Variants in ACLY observed in about 807,000 individuals in gnomAD.
ACLY encodes the protein ATP-citrate synthase.
In ACLY, 41 loss-of-function variants were observed where a neutral mutation model predicts 133.0. The observed-to-expected ratio is 0.31, with a 90% CI of 0.24 to 0.40. The LOEUF is 0.40. Ranked by LOEUF, ACLY falls within the 10% of genes least tolerant of loss-of-function variation. The pLI is 1.00. For synonymous variants in ACLY, 495 were observed against 549.3 expected (o/e 0.90, Z 1.38); for missense variants, 1,046 against 1,453.8 (o/e 0.72, Z 4.56).
intron 1 of ACLY, among the ~76,000 whole-genome samples, chr17:41,916,762 G>A (rs1003521028): frequency 6.6e-6 from 1 of 152,102 alleles, no homozygotes; most frequent in African/African-American, 2.4e-5. Flanking sequence ...AAAAACCCCA[G>A]AAAAAGGTAC....
At chr17:41,867,950 T>C in intron 28 of ACLY, 46 bp from the exon 29 acceptor site, 1 of 1,395,158 alleles carries the variant, frequency 7.2e-7, no homozygotes, top group Non-Finnish European at 1.0e-6. Flanking sequence ...TTCATAAGCC[T>C]GGTGAGAGGA....
chr17:41,918,026 AG>A (rs1555634784), intron 1 of ACLY, among the ~76,000 whole-genome samples: 2 of 152,214 alleles, frequency 1.3e-5, no homozygotes, highest in African/African-American at 2.4e-5. Flanking sequence ...GAAGACCTCC[AG>A]GGACCCCATA....
chr17:41,878,753 T>G lies in ACLY; in HGVS notation c.2393+44A>C. The G allele has an allele frequency of 2.5e-6, 4 of 1,609,914 alleles. No individual in the cohort carries two copies. In the South Asian group the frequency reaches 4.4e-5, roughly 18 times the overall value. On this transcript the variant is annotated intron_variant, in intron 21 of 28. Coordinates refer to ENST00000352035, the MANE Select transcript of ACLY (RefSeq NM_001096.3). ...AGAGGCTGCTGTCTCAGGAGGGATT[T>G]GGAAAGGAGGGGGAGGCCGGCATCC...
At chr17:41,908,742 C>T (rs1387099104) in intron 6 of ACLY, among the ~76,000 whole-genome samples, 1 of 152,100 alleles carries the variant, frequency 6.6e-6, no homozygotes, top group East Asian at 1.9e-4. Context: ...CCAGCCTGGG[C>T]GACAGGGCAA....
At chr17:41,917,310 T>C (rs2050076676) in intron 1 of ACLY, among the ~76,000 whole-genome samples, 1 of 152,072 alleles carries the variant, frequency 6.6e-6, no homozygotes, top group Non-Finnish European at 1.5e-5. Context: ...CCAGGAACTG[T>C]TACTTGGTAA....
At chr17:41,876,725 AAG>A (rs1192868011) in intron 22 of ACLY, among the ~76,000 whole-genome samples, 2 of 152,116 alleles carry the variant, frequency 1.3e-5, no homozygotes, top group African/African-American at 4.8e-5. Flanking sequence ...CATGCTGGTT[AAG>A]AGTCATCACC....
chr17:41,903,517 G>A (rs2144364188), intron 10 of ACLY, among the ~76,000 whole-genome samples: 1 of 152,196 alleles, frequency 6.6e-6, no homozygotes, highest in East Asian at 1.9e-4. Flanking sequence ...CTCTTTGGGA[G>A]GCCGAGGCGG....
chr17:41,878,061 A>T, intron 22 of ACLY, 42 bp downstream of exon 22: 4 of 1,387,208 alleles, frequency 2.9e-6, no homozygotes, highest in Non-Finnish European at 2.9e-6. Flanking sequence ...AGACCCACAG[A>T]TCTCCCTTGC....
chr17:41,894,552 C>A (rs763015838), intron 14 of ACLY, among the ~76,000 whole-genome samples: 8 of 150,150 alleles, frequency 5.3e-5, no homozygotes, highest in Non-Finnish European at 1.0e-4. Flanking sequence ...TGAGACCCCA[C>A]CTCAAAAAAA....
intron 1 of ACLY, among the ~76,000 whole-genome samples, chr17:41,915,677 G>C (rs768433458): frequency 2.6e-5 from 4 of 152,142 alleles, no homozygotes; most frequent in Non-Finnish European, 5.9e-5. Flanking sequence ...CTCAGTATGA[G>C]TTTCCAGAGA....
chr17:41,876,216 G>T (rs567803095), intron 22 of ACLY, among the ~76,000 whole-genome samples: 1 of 151,848 alleles, frequency 6.6e-6, no homozygotes, highest in Non-Finnish European at 1.5e-5. Flanking sequence ...GTCTTCGCCC[G>T]GCAGCCACCC....
chr17:41,889,009 T>C (rs1196971103), intron 16 of ACLY, among the ~76,000 whole-genome samples: 1 of 151,844 alleles, frequency 6.6e-6, no homozygotes, highest in Non-Finnish European at 1.5e-5. Context: ...TCCCAGCTAC[T>C]TGGGAGGCTG....
chr17:41,898,488 T>C (rs1318469761), intron 12 of ACLY, 143 bp downstream of exon 12: 3 of 1,104,240 alleles, frequency 2.7e-6, no homozygotes, highest in Non-Finnish European at 2.5e-6. Context: ...AGGAAAAAAA[T>C]TGGCAGAGAT....
intron 3 of ACLY, among the ~76,000 whole-genome samples, chr17:41,910,548 A>G (rs1463532788): frequency 1.3e-5 from 2 of 152,242 alleles, no homozygotes; most frequent in African/African-American, 4.8e-5. Flanking sequence ...AGGGTGACAC[A>G]GGACCTGCGC....
At chr17:41,899,360 C>T (rs1344708618) in intron 11 of ACLY, among the ~76,000 whole-genome samples, 1 of 152,096 alleles carries the variant, frequency 6.6e-6, no homozygotes, top group Admixed American at 6.5e-5. Context: ...TCCTCCTGTT[C>T]GCAGTCTGGA....
chr17:41,880,997 G>T (rs1244823287), intron 20 of ACLY, among the ~76,000 whole-genome samples: 1 of 150,646 alleles, frequency 6.6e-6, no homozygotes, highest in Non-Finnish European at 1.5e-5. Flanking sequence ...TGGGGATGGG[G>T]AGGTGGGGTG....
chr17:41,918,301 A>C (rs1312798874), intron 1 of ACLY, among the ~76,000 whole-genome samples: 1 of 152,186 alleles, frequency 6.6e-6, no homozygotes, highest in Non-Finnish European at 1.5e-5. Flanking sequence ...AGACGAGGCG[A>C]GGCCTCGGGC....
At chr17:41,904,643 C>G (rs1258953083) in intron 10 of ACLY, 86 bp downstream of exon 10, 18 of 1,354,362 alleles carry the variant, frequency 1.3e-5, no homozygotes, top group Middle Eastern at 2.3e-4. Context: ...TAACTTGGCT[C>G]TGGCTCAAAC....
intron 12 of ACLY, 48 bp from the exon 13 acceptor site, chr17:41,897,887 G>C: frequency 3.3e-6 from 5 of 1,537,476 alleles, no homozygotes; most frequent in Non-Finnish European, 4.4e-6. Flanking sequence ...TCACACCTGG[G>C]AAAAAAGCCA....
Sources: gnomAD v4.1 joint callset for allele counts (sites outside exome capture counted in the v4.1 genomes callset) on GRCh38, gnomAD v4.1.1 for gene constraint, MANE v1.5 for transcripts, NCBI Gene and HGNC (gene_info 2026-07-23, HGNC 2026-07-21) for gene names.